Variants in SPDL1 observed in about 807,000 individuals in gnomAD.
SPDL1 encodes the protein spindle apparatus coiled-coil protein 1, also known as protein Spindly.
SPDL1 carries 85 observed loss-of-function variants against 79.5 expected under a neutral mutation model. The observed-to-expected ratio is 1.07, with a 90% CI of 0.90 to 1.28. The LOEUF (loss-of-function observed/expected upper bound fraction) is 1.28. SPDL1 is among the 50% of genes most tolerant of loss of function. SPDL1 has a pLI of 0.00. For missense variants in SPDL1, 703 were observed against 697.8 expected (o/e 1.01, Z -0.08); for synonymous variants, 269 against 240.3 (o/e 1.12, Z -1.10).
intron 10 of SPDL1, among the ~76,000 whole-genome samples, chr5:169,600,939 C>T (rs905335456): frequency 6.6e-5 from 10 of 152,130 alleles, no homozygotes; most frequent in Admixed American, 3.9e-4. Context: ...GATTAGGATT[C>T]GAACCTGGAC....
intron 3 of SPDL1, among the ~76,000 whole-genome samples, chr5:169,592,083 C>G (rs1048118697): frequency 1.3e-5 from 2 of 152,158 alleles, no homozygotes; most frequent in African/African-American, 4.8e-5. Flanking sequence ...ACCCAATTTT[C>G]AGCTTCTTGT....
At chr5:169,603,271 T>C (rs1240378105) in intron 11 of SPDL1, among the ~76,000 whole-genome samples, 1 of 152,178 alleles carries the variant, frequency 6.6e-6, no homozygotes, top group Non-Finnish European at 1.5e-5. Flanking sequence ...AACTAATTGG[T>C]GTTCTTGTTA....
At chr5:169,584,897 C>CT (rs1409192422) in intron 1 of SPDL1, among the ~76,000 whole-genome samples, 1 of 151,626 alleles carries the variant, frequency 6.6e-6, no homozygotes, top group Non-Finnish European at 1.5e-5. Flanking sequence ...GTAATCCCAG[C>CT]TACTCGGGAG....
In SPDL1 at chr5:169,594,486, T is replaced by C; in HGVS notation, c.774T>C (p.Phe258=). 1 of 1,613,990 alleles carries C rather than the reference T, an allele frequency of 6.2e-7. No individual in the cohort carries two copies. Among genetic ancestry groups the C allele is most frequent in the Admixed American group, 1.7e-5 (1 of 60,030 alleles). Residue 258 remains phenylalanine (F), a synonymous_variant, in exon 6 of 12, where the codon TTT becomes TTC. Transcript: ENST00000265295. Reference sequence around the variant, plus strand: ...CCAATAGTAAAGGCAACTCTTTGTTTGCAGAGGTACTTATAAGTATCCTAA... The same window carrying C: ...CCAATAGTAAAGGCAACTCTTTGTTCGCAGAGGTACTTATAAGTATCCTAA... ...LDPNSKGNSL[F]AEVEDRRAAM...
At chr5:169,584,162 G>A (rs1251850287) in intron 1 of SPDL1, 1 of 152,238 alleles carries the variant, frequency 6.6e-6, no homozygotes, top group African/African-American at 2.4e-5. Flanking sequence ...GATCTGCGCT[G>A]TGCGGTACGG....
At chr5:169,603,868 C>T (rs1756055688) in intron 11 of SPDL1, among the ~76,000 whole-genome samples, 192 bp from the exon 12 acceptor site, 1 of 152,136 alleles carries the variant, frequency 6.6e-6, no homozygotes, top group Non-Finnish European at 1.5e-5. Context: ...GTAATAATAA[C>T]AATAATTGAG....
At position 169,591,135 on chromosome 5, in the gene SPDL1, A is replaced by G. The variant is rs546405887; in HGVS notation, c.247A>G (p.Ile83Val). Residue 83 changes from isoleucine (I) to valine (V), a missense_variant, in exon 3 of 12, where the codon ATT becomes GTT. By Grantham distance (29) the Ile-to-Val change is conservative. Transcript: ENST00000265295. ...AAGTTTGAGCTGCGAATGTGAAGCT[A>G]TTAAACAACAACAAAAAATGCACCT... ...LESLSCECEA[I>V]KQQQKMHLEK... The G allele has an allele frequency of 1.5e-5, 25 of 1,613,982 alleles. No individual in the cohort carries two copies. In the Admixed American group the frequency reaches 3.7e-4, roughly 24 times the overall value.
intron 1 of SPDL1, among the ~76,000 whole-genome samples, chr5:169,584,627 T>C (rs1225459276): frequency 6.6e-6 from 1 of 152,216 alleles, no homozygotes; most frequent in African/African-American, 2.4e-5. Flanking sequence ...GAGTTTCCTG[T>C]GTCCCAAATG....
In SPDL1 at chr5:169,588,704, G is replaced by A. The variant is rs538653687; in HGVS notation, c.159+129G>A. On this transcript the variant is annotated intron_variant, in intron 2 of 11. Transcript: ENST00000265295. The stretch of plus-strand genomic sequence containing the variant: ...TTAGATCTAGTTCCCGCCCTGCCCC[G>A]TCCCTGTTAAAAAAGAATGAACTAA... 105 of 726,712 alleles carry A rather than the reference G, an allele frequency of 1.4e-4. 1 individual carries two copies. In the South Asian group the frequency reaches 2.1e-3, roughly 15 times the overall value. 45.0% of individuals were successfully genotyped at this position (726,712 alleles called of 1,614,324 possible).
intron 3 of SPDL1, among the ~76,000 whole-genome samples, chr5:169,592,359 A>T (rs10076196): frequency 1.3e-5 from 2 of 150,900 alleles, no homozygotes; most frequent in Admixed American, 6.6e-5. Context: ...CTGGGATTAC[A>T]GGTGTGCGCC....
rs190653043 is a variant in SPDL1 at position 169,596,680 on chromosome 5, T to C, written c.1011T>C (p.Ile337=). 6.3e-7 allele frequency: 1 copy of C among 1,596,568 alleles called. No individual in the cohort carries two copies. Among genetic ancestry groups the C allele is most frequent in the Admixed American group, 1.8e-5 (1 of 54,164 alleles). Residue 337 remains isoleucine (I), a synonymous_variant, in exon 8 of 12, where the codon ATT becomes ATC. Transcript: ENST00000265295. The part of the protein sequence containing the change: ...NGEIKHLLGE[I]RNLEKFKNLY... ...AAATAAAACATCTTTTAGGTGAAATTAGAAATCTGGAGAAATTTAAGGTAT... is the reference window on the plus strand; with the variant it reads ...AAATAAAACATCTTTTAGGTGAAATCAGAAATCTGGAGAAATTTAAGGTAT...
intron 10 of SPDL1, 107 bp from the exon 11 acceptor site, chr5:169,601,173 T>G (rs1755854054): frequency 1.0e-6 from 1 of 964,582 alleles, no homozygotes; most frequent in African/African-American, 1.7e-5. Context: ...TGGTTGCATT[T>G]TAAAAGAATG....
chr5:169,592,212 T>TTA (rs1554130826), intron 3 of SPDL1, among the ~76,000 whole-genome samples: 1 of 43,348 alleles, frequency 2.3e-5, no homozygotes, highest in Non-Finnish European at 5.2e-5. Flanking sequence ...TATTTTTTTT[T>TTA]CCTTTTTTTT....
In SPDL1 at chr5:169,598,902, A is replaced by G. The variant is rs546823762; in HGVS notation, c.1137-70A>G. ...AACTAAGAATTCAAATATGCGATGAAATATTTATACCACTACACTTATTAT... is the reference window on the plus strand; with the variant it reads ...AACTAAGAATTCAAATATGCGATGAGATATTTATACCACTACACTTATTAT... On this transcript the variant is annotated intron_variant, in intron 9 of 11. Transcript: ENST00000265295. 9 of 1,476,346 alleles carry G rather than the reference A, an allele frequency of 6.1e-6. No individual in the cohort carries two copies. In the South Asian group the frequency reaches 1.4e-4, roughly 23 times the overall value. 91.5% of individuals were successfully genotyped at this position (1,476,346 alleles called of 1,614,324 possible).
intron 2 of SPDL1, 25 bp downstream of exon 2, chr5:169,588,600 G>A (rs750218193): frequency 1.7e-5 from 26 of 1,574,960 alleles, no homozygotes; most frequent in Admixed American, 1.1e-4. Flanking sequence ...TCCTCTGTCT[G>A]CAAGAGTGTG....
chr5:169,592,286 G>A (rs1415784019), intron 3 of SPDL1, among the ~76,000 whole-genome samples: 1 of 130,332 alleles, frequency 7.7e-6, no homozygotes, highest in Non-Finnish European at 1.5e-5. Flanking sequence ...GCATGATCTC[G>A]GCTCACCTGC....
chr5:169,592,315 T>G (rs953021893), intron 3 of SPDL1, among the ~76,000 whole-genome samples: 2 of 149,094 alleles, frequency 1.3e-5, no homozygotes, highest in African/African-American at 2.5e-5. Context: ...CCTCCCGGGT[T>G]CAAACGATTC....
rs746458510 is a variant in SPDL1, at chr5:169,594,427, C to G, written c.715C>G (p.Gln239Glu). The G allele has an allele frequency of 6.2e-7, 1 of 1,614,070 alleles. No homozygotes were observed. The highest frequency in any genetic ancestry group is 1.1e-5 in the South Asian group (1 of 91,080). Residue 239 changes from glutamine to glutamate, a missense_variant, in exon 6 of 12, where the codon CAG becomes GAG. Physicochemically the swap from Gln to Glu is conservative, Grantham distance 29. Coordinates refer to ENST00000265295, the MANE Select transcript of SPDL1 (RefSeq NM_017785.5). ...ARVANQDLQV[Q>E]LDQALQQALD... ...TGTAGCAAATCAAGATCTTCAGGTACAGTTGGACCAGGCACTCCAGCAAGC... is the reference window on the plus strand; with the variant it reads ...TGTAGCAAATCAAGATCTTCAGGTAGAGTTGGACCAGGCACTCCAGCAAGC...
Position 169,599,085 on chromosome 5 carries a change from T to C in SPDL1, c.1250T>C (p.Leu417Pro). Residue 417 changes from leucine to proline, a missense_variant, in exon 10 of 12, where the codon CTC (leucine) becomes CCC (proline). Physicochemically the swap from Leu to Pro is moderately conservative, Grantham distance 98 (BLOSUM62 -3). Coordinates refer to ENST00000265295, the MANE Select transcript of SPDL1 (RefSeq NM_017785.5). ...ERKLFANERC[L>P]QLSESENMKL... is the part of the protein sequence containing the mutation. The stretch of plus-strand genomic sequence containing the variant: ...AAACTTTTTGCAAATGAAAGATGCC[T>C]CCAGCTTTCAGAAAGTGAAAATATG... 1.3e-6 allele frequency: 2 copies of C among 1,598,130 alleles called. No individual in the cohort carries two copies. Among genetic ancestry groups the C allele is most frequent in the Non-Finnish European group, 1.7e-6 (2 of 1,169,146 alleles).
Sources: allele counts gnomAD v4.1 joint callset (sites outside exome capture counted in the v4.1 genomes callset), GRCh38; gene constraint gnomAD v4.1.1; transcripts MANE v1.5; gene names NCBI Gene and HGNC (gene_info 2026-07-23, HGNC 2026-07-21).